COL5A1: variants seen among roughly 807,000 people sequenced by gnomAD.
COL5A1 encodes the protein collagen type V alpha 1 chain.
A neutral mutation model predicts 263.7 loss-of-function variants in COL5A1; 16 were observed. The ratio of observed to expected loss-of-function variants is 0.06; its 90% confidence interval spans 0.04 to 0.09. COL5A1 has a LOEUF of 0.09. COL5A1 is among the 10% of genes least tolerant of loss of function. The pLI is 1.00. For synonymous variants in COL5A1, 1,012 were observed against 1,004.5 expected (o/e 1.01, Z -0.14); for missense variants, 2,036 against 2,540.5 (o/e 0.80, Z 4.27).
At chr9:134,805,121 T>G (rs1838250145) in intron 40 of COL5A1, 40 bp from the exon 41 acceptor site, 1 of 1,613,596 alleles carries the variant, frequency 6.2e-7, no homozygotes, top group Non-Finnish European at 8.5e-7. Context: ...TGGAGGCCTC[T>G]CCCCACGTGC....
At chr9:134,760,695 G>GCA (rs552716100) in intron 18 of COL5A1, among the ~76,000 whole-genome samples, 8 of 70,912 alleles carry the variant, frequency 1.1e-4, no homozygotes, top group Non-Finnish European at 1.6e-4. Flanking sequence ...ACTCATACAT[G>GCA]CACACACACA....
intron 11 of COL5A1, among the ~76,000 whole-genome samples, chr9:134,743,301 C>G (rs145348401): frequency 6.6e-6 from 1 of 152,224 alleles, no homozygotes; most frequent in African/African-American, 2.4e-5. Flanking sequence ...GAGAGTTTAA[C>G]GTTTTCATCT....
intron 34 of COL5A1, among the ~76,000 whole-genome samples, chr9:134,796,102 C>T (rs1423918237): frequency 6.6e-6 from 1 of 152,206 alleles, no homozygotes. Context: ...GGCTGGGGCA[C>T]AGCCTTTGTC....
At chr9:134,828,468 TACACACCACACGCACAGATACAGGCC>T (rs979520848) in intron 63 of COL5A1, among the ~76,000 whole-genome samples, 5 of 97,512 alleles carry the variant, frequency 5.1e-5, no homozygotes, top group Non-Finnish European at 3.9e-5. Flanking sequence ...AGATGCACAC[TACACACCACACGCACAGATACAGGCC>T]ACACACCACA....
At chr9:134,650,367 G>T (rs555420973) in intron 1 of COL5A1, among the ~76,000 whole-genome samples, 1 of 152,250 alleles carries the variant, frequency 6.6e-6, no homozygotes, top group South Asian at 2.1e-4. Context: ...ACTCTTTCCC[G>T]TGTGTGGGTA....
At chr9:134,691,443 G>A (rs1833276849) in intron 2 of COL5A1, 7 of 301,446 alleles carry the variant, frequency 2.3e-5, no homozygotes, top group Admixed American at 4.8e-5. Flanking sequence ...CCTCGGGGTC[G>A]TGGGAAAGGA....
chr9:134,693,913 G>T (rs1170055144), intron 2 of COL5A1, among the ~76,000 whole-genome samples: 1 of 152,196 alleles, frequency 6.6e-6, no homozygotes, highest in Non-Finnish European at 1.5e-5. Flanking sequence ...CTAAGCGCTA[G>T]GGGAGCTGGA....
At chr9:134,815,756 A>G in intron 51 of COL5A1, 127 bp downstream of exon 51, 1 of 1,260,086 alleles carries the variant, frequency 7.9e-7, no homozygotes. Context: ...ATGTCCCAAA[A>G]GGCACTCGTG....
chr9:134,728,564 A>T (rs1834741740), intron 5 of COL5A1, 106 bp from the exon 6 acceptor site: 1 of 1,531,284 alleles, frequency 6.5e-7, no homozygotes, highest in Non-Finnish European at 9.0e-7. Flanking sequence ...CTGGGGCTGG[A>T]CGGGGCGTCG....
chr9:134,642,401 T>G lies in COL5A1; in HGVS notation c.109+105T>G, dbSNP rs900017720. 4.1e-5 allele frequency: 8 copies of G among 195,584 alleles called. No homozygotes were observed. Among genetic ancestry groups the G allele is most frequent in the East Asian group, 1.5e-4 (1 of 6,774 alleles). The allele number at this position is 195,584 out of a possible 1,614,324, so 12.1% of individuals were successfully genotyped here. A position where few individuals can be genotyped will look rare whatever the true frequency, so the allele number is the denominator to read the frequency against. On this transcript the variant is annotated intron_variant, in intron 1 of 65. Coordinates refer to ENST00000371817, the MANE Select transcript of COL5A1 (RefSeq NM_000093.5). This position sits in a 1 kb window ranked among gnomAD's most constrained non-coding sequence, Gnocchi z 4.5. ...CCCGCAGAACTTTTCTTCCTTGGCC[T>G]GTGGAATGCACGGGCCAAGACCACG...
chr9:134,715,023 T>C (rs1834213986), intron 4 of COL5A1, among the ~76,000 whole-genome samples: 1 of 151,844 alleles, frequency 6.6e-6, no homozygotes, highest in East Asian at 1.9e-4. Context: ...AGACAAAGTA[T>C]AGAGAAAGAA....
chr9:134,718,137 G>A (rs1260425893), intron 4 of COL5A1, among the ~76,000 whole-genome samples: 1 of 152,226 alleles, frequency 6.6e-6, no homozygotes, highest in Non-Finnish European at 1.5e-5. Flanking sequence ...ACGCAGCCTG[G>A]ATACGGTCTC....
intron 4 of COL5A1, among the ~76,000 whole-genome samples, chr9:134,704,242 C>T (rs747791871): frequency 4.6e-5 from 7 of 152,064 alleles, no homozygotes; most frequent in South Asian, 2.1e-4. Context: ...GTTGTCTGAC[C>T]GCTCCGAGAC....
chr9:134,769,085 C>T (rs1473173351), intron 25 of COL5A1, among the ~76,000 whole-genome samples: 1 of 152,190 alleles, frequency 6.6e-6, no homozygotes, highest in African/African-American at 2.4e-5. Flanking sequence ...TAAGTGCCTG[C>T]TGTGGTTTTG....
At chr9:134,824,327 C>T (rs1037873381) in intron 61 of COL5A1, among the ~76,000 whole-genome samples, 5 of 152,216 alleles carry the variant, frequency 3.3e-5, no homozygotes, top group African/African-American at 1.2e-4. Context: ...CAGATGCAAG[C>T]CCAAGGCTGC....
At chr9:134,767,428 C>T in intron 24 of COL5A1, 74 bp downstream of exon 24, 3 of 1,368,076 alleles carry the variant, frequency 2.2e-6, no homozygotes, top group South Asian at 2.3e-5. Flanking sequence ...CCTGGGAGGA[C>T]CCCTGGTATC....
chr9:134,644,276 GC>G, intron 1 of COL5A1, among the ~76,000 whole-genome samples: 2 of 8,886 alleles, frequency 2.3e-4, no homozygotes, highest in Admixed American at 8.9e-4. Flanking sequence ...AGATGCAGGC[GC>G]TGGGGGGAGG....
At chr9:134,813,233 C>A (rs1272174968) in intron 48 of COL5A1, among the ~76,000 whole-genome samples, 1 of 151,990 alleles carries the variant, frequency 6.6e-6, no homozygotes, top group Non-Finnish European at 1.5e-5. Context: ...CTCCTGTGTG[C>A]ACATCGGTGC....
chr9:134,749,366 CG>C (rs1835692890), intron 11 of COL5A1, among the ~76,000 whole-genome samples: 1 of 152,224 alleles, frequency 6.6e-6, no homozygotes, highest in Admixed American at 6.5e-5. Flanking sequence ...TGGTTACATC[CG>C]GAGATGAAAA....
Sources: allele counts gnomAD v4.1 joint callset (sites outside exome capture counted in the v4.1 genomes callset), GRCh38; gene constraint gnomAD v4.1.1; non-coding constraint Gnocchi (gnomAD v3.1); transcripts MANE v1.5; gene names NCBI Gene and HGNC (gene_info 2026-07-23, HGNC 2026-07-21).